Variants in STPG2 observed in about 807,000 individuals in gnomAD.
The protein encoded by STPG2 is sperm-tail PG-rich repeat-containing protein 2.
In STPG2, 56 loss-of-function variants were observed where a neutral mutation model predicts 54.2. The observed-to-expected ratio is 1.03, with a 90% CI of 0.83 to 1.29. The LOEUF (loss-of-function observed/expected upper bound fraction) is 1.29, where lower values mean the gene tolerates loss of function less well. Ranked by LOEUF, STPG2 falls within the 50% of genes most tolerant of loss-of-function variation. The pLI is 0.00. For missense variants in STPG2, 596 were observed against 544.9 expected, an observed-to-expected ratio of 1.09 and a Z score of -0.93; for synonymous variants, 200 against 181.8, an observed-to-expected ratio of 1.10 and a Z score of -0.81.
intron 7 of STPG2, among the ~76,000 whole-genome samples, chr4:97,960,294 A>T (rs980616683): frequency 1.3e-5 from 2 of 152,162 alleles, no homozygotes; most frequent in Non-Finnish European, 2.9e-5. Context: ...GGAACAAGAC[A>T]AAGATGCCTA....
intron 3 of STPG2, among the ~76,000 whole-genome samples, chr4:98,116,193 T>C (rs973775402): frequency 6.6e-6 from 1 of 151,708 alleles, no homozygotes; most frequent in African/African-American, 2.4e-5. Context: ...ATTTTATACA[T>C]GCAGGGAAGC....
intron 9 of STPG2, among the ~76,000 whole-genome samples, chr4:97,718,259 A>T (rs1211993989): frequency 6.6e-6 from 1 of 152,068 alleles, no homozygotes. Context: ...AAAACACTTG[A>T]TTTAAATAAA....
chr4:98,104,214 G>A (rs967986639), intron 5 of STPG2, among the ~76,000 whole-genome samples: 1 of 152,090 alleles, frequency 6.6e-6, no homozygotes, highest in African/African-American at 2.4e-5. Context: ...AAATAATCAG[G>A]AGAAACTACC....
intron 7 of STPG2, among the ~76,000 whole-genome samples, chr4:97,955,310 G>T (rs1733635918): frequency 6.6e-6 from 1 of 151,732 alleles, no homozygotes; most frequent in Non-Finnish European, 1.5e-5. Flanking sequence ...CACCTTATGG[G>T]TTCACGCCAT....
intron 8 of STPG2, among the ~76,000 whole-genome samples, chr4:97,863,889 A>G (rs1729658486): frequency 6.6e-6 from 1 of 152,220 alleles, no homozygotes; most frequent in Non-Finnish European, 1.5e-5. Context: ...GGCCTTTGAC[A>G]AAATTCAGCC....
intron 8 of STPG2, among the ~76,000 whole-genome samples, chr4:97,885,903 G>A (rs1325081816): frequency 2.0e-5 from 3 of 151,984 alleles, no homozygotes; most frequent in Non-Finnish European, 4.4e-5. Flanking sequence ...AAGAAGAGAA[G>A]AATAAACTTA....
chr4:98,134,013 T>C (rs1487325871), intron 2 of STPG2, among the ~76,000 whole-genome samples: 5 of 151,924 alleles, frequency 3.3e-5, no homozygotes, highest in Non-Finnish European at 7.4e-5. Context: ...ATTCTTTCAC[T>C]CTAATGCCAT....
At chr4:97,802,743 T>C (rs1727437580) in intron 9 of STPG2, among the ~76,000 whole-genome samples, 2 of 152,086 alleles carry the variant, frequency 1.3e-5, no homozygotes, top group African/African-American at 4.8e-5. Flanking sequence ...ATTGCTGGGA[T>C]TACAAGTGTG....
At chr4:98,106,780 C>T (rs1051874348) in intron 4 of STPG2, among the ~76,000 whole-genome samples, 1 of 152,024 alleles carries the variant, frequency 6.6e-6, no homozygotes, top group Non-Finnish European at 1.5e-5. Flanking sequence ...GTGGTTAATG[C>T]CATACATGGC....
chr4:97,548,973 T>G (rs923994573), intron 4 of STPG2, among the ~76,000 whole-genome samples: 5 of 28,138 alleles, frequency 1.8e-4, no homozygotes, highest in Non-Finnish European at 3.0e-4. Flanking sequence ...ATTGTGATAT[T>G]TTATTATGGT....
intron 9 of STPG2, among the ~76,000 whole-genome samples, chr4:97,781,726 T>G (rs1726622091): frequency 6.6e-6 from 1 of 152,164 alleles, no homozygotes; most frequent in Non-Finnish European, 1.5e-5. Flanking sequence ...TCAAAAAGCT[T>G]ATCCACCATG....
intron 9 of STPG2, among the ~76,000 whole-genome samples, chr4:97,805,660 G>A (rs551907004): frequency 7.2e-5 from 11 of 152,138 alleles, no homozygotes; most frequent in Admixed American, 6.5e-4. Context: ...ATAGATTCTG[G>A]ATATTAGGTC....
chr4:97,662,421 G>A (rs918136238), intron 10 of STPG2, among the ~76,000 whole-genome samples: 3 of 151,850 alleles, frequency 2.0e-5, no homozygotes, highest in African/African-American at 7.2e-5. Context: ...ATATAATGTG[G>A]GTTATTTCAG....
chr4:98,032,469 C>T (rs930782572), intron 5 of STPG2, among the ~76,000 whole-genome samples: 1 of 152,050 alleles, frequency 6.6e-6, no homozygotes, highest in African/African-American at 2.4e-5. Flanking sequence ...ATGGAAGACA[C>T]AGAGACTCCC....
intron 4 of STPG2, among the ~76,000 whole-genome samples, chr4:97,534,644 ATACAT>A (rs1731489518): frequency 6.6e-6 from 1 of 152,194 alleles, no homozygotes. Flanking sequence ...TATAAGTTAC[ATACAT>A]TAAACTTTAC....
intron 10 of STPG2, among the ~76,000 whole-genome samples, chr4:97,703,291 A>G (rs912656503): frequency 2.0e-5 from 3 of 151,300 alleles, no homozygotes; most frequent in Non-Finnish European, 4.4e-5. Flanking sequence ...CCCCAAAACC[A>G]GCAAAAGAAC....
intron 4 of STPG2, among the ~76,000 whole-genome samples, chr4:97,494,080 A>C (rs1730558759): frequency 1.3e-5 from 2 of 151,580 alleles, no homozygotes; most frequent in Non-Finnish European, 3.0e-5. Flanking sequence ...AGAACTCTGA[A>C]GTATAGCAGA....
At chr4:98,062,582 T>C (rs1170486293) in intron 5 of STPG2, among the ~76,000 whole-genome samples, 1 of 152,148 alleles carries the variant, frequency 6.6e-6, no homozygotes, top group Non-Finnish European at 1.5e-5. Flanking sequence ...AAAATTCACA[T>C]ATACAAGATT....
intron 4 of STPG2, among the ~76,000 whole-genome samples, chr4:97,492,379 G>A (rs1207478347): frequency 2.6e-5 from 4 of 151,402 alleles, no homozygotes; most frequent in Non-Finnish European, 4.4e-5. Flanking sequence ...TAAACATCAA[G>A]GAGAGGGGCA....
Sources: gnomAD v4.1 joint callset for allele counts (sites outside exome capture counted in the v4.1 genomes callset) on GRCh38, gnomAD v4.1.1 for gene constraint, MANE v1.5 for transcripts, NCBI Gene and HGNC (gene_info 2026-07-23, HGNC 2026-07-21) for gene names.